The following KCNT2 variants were observed in gnomAD, a reference collection of about 807,000 sequenced individuals.
KCNT2 encodes potassium sodium-activated channel subfamily T member 2.
A neutral mutation model predicts 153.8 loss-of-function variants in KCNT2; 67 were observed. The observed-to-expected ratio is 0.44, with a 90% CI of 0.36 to 0.53. KCNT2 has a LOEUF of 0.53. KCNT2 is among the 20% of genes least tolerant of loss of function. The pLI, the probability that KCNT2 is intolerant of heterozygous loss-of-function variation, is 0.00. For missense variants in KCNT2, 975 were observed against 1,354.8 expected (o/e 0.72, Z 4.40); for synonymous variants, 500 against 458.8 (o/e 1.09, Z -1.15).
chr1:196,247,590 C>T (rs1036619192), intron 26 of KCNT2, among the ~76,000 whole-genome samples: 29 of 152,270 alleles, frequency 1.9e-4, no homozygotes, highest in African/African-American at 6.7e-4. Flanking sequence ...GGGAAGCAAA[C>T]ATATCCTTCT....
intron 8 of KCNT2, among the ~76,000 whole-genome samples, chr1:196,451,157 C>T (rs11810883): frequency 0.021 from 3,035 of 147,820 alleles, 90 homozygotes; most frequent in African/African-American, 0.07. Flanking sequence ...TTCAAAATTA[C>T]GCTTACTGAA....
intron 8 of KCNT2, among the ~76,000 whole-genome samples, chr1:196,440,542 T>G (rs763436620): frequency 6.6e-6 from 1 of 152,016 alleles, no homozygotes; most frequent in Non-Finnish European, 1.5e-5. Context: ...CTTGAGAATG[T>G]GAGCCTATAA....
At chr1:196,398,755 G>A (rs1671165355) in intron 12 of KCNT2, 84 bp from the exon 13 acceptor site, 1 of 689,070 alleles carries the variant, frequency 1.5e-6, no homozygotes, top group Non-Finnish European at 2.5e-6. Flanking sequence ...CAGTTTGCTT[G>A]GTCACATCCA....
chr1:196,355,040 C>CG (rs1667056874), intron 14 of KCNT2, among the ~76,000 whole-genome samples: 1 of 151,386 alleles, frequency 6.6e-6, no homozygotes, highest in Non-Finnish European at 1.5e-5. Flanking sequence ...ATTTACGGTA[C>CG]GGGGGTATGT....
In KCNT2 at chr1:196,285,737, T is replaced by A. The variant is rs753244425; in HGVS notation, c.2617A>T (p.Asn873Tyr). Residue 873 changes from asparagine (N) to tyrosine (Y), a missense_variant, in exon 23 of 28, where the codon AAC (asparagine) becomes TAC (tyrosine). Asn to Tyr is a moderately radical substitution (Grantham distance 143). Coordinates refer to ENST00000294725, the MANE Select transcript of KCNT2 (RefSeq NM_198503.5). ...LEKKERERGS[N>Y]LAFMFRLPFA... ...GGCAGTCGAAACATAAAGGCCAAGT[T>A]AGAGCCTCTCTCCCGTTCTTTCTGT... The A allele has an allele frequency of 1.2e-6, 2 of 1,612,050 alleles. No homozygotes were observed. The highest frequency in any genetic ancestry group is 1.7e-5 in the Admixed American group (1 of 59,960).
chr1:196,292,829 A>G (rs976714715), intron 22 of KCNT2, among the ~76,000 whole-genome samples: 6 of 151,350 alleles, frequency 4.0e-5, no homozygotes, highest in Non-Finnish European at 7.4e-5. Flanking sequence ...AAAAAAAAAA[A>G]AAAAAGGAAG....
intron 21 of KCNT2, among the ~76,000 whole-genome samples, chr1:196,314,928 A>G (rs1662560456): frequency 1.3e-5 from 2 of 151,786 alleles, no homozygotes; most frequent in African/African-American, 4.8e-5. Flanking sequence ...CTTTAATAAT[A>G]TTGTGATTAA....
At chr1:196,268,125 C>T (rs1657722912) in intron 25 of KCNT2, among the ~76,000 whole-genome samples, 1 of 152,070 alleles carries the variant, frequency 6.6e-6, no homozygotes, top group South Asian at 2.1e-4. Flanking sequence ...AAAACAGGTC[C>T]CACTTGCACA....
At chr1:196,324,416 T>C (rs892607211) in intron 19 of KCNT2, among the ~76,000 whole-genome samples, 4 of 152,048 alleles carry the variant, frequency 2.6e-5, no homozygotes, top group Non-Finnish European at 5.9e-5. Context: ...TTCACCTTCT[T>C]TGTGTCTCTT....
intron 25 of KCNT2, among the ~76,000 whole-genome samples, chr1:196,262,443 GAAGAA>G (rs1376746941): frequency 1.3e-5 from 2 of 151,884 alleles, no homozygotes; most frequent in East Asian, 3.8e-4. Flanking sequence ...TGTTGTTAAA[GAAGAA>G]AAGAAAATGA....
chr1:196,282,460 T>A (rs1659203256), intron 23 of KCNT2, 104 bp from the exon 24 acceptor site: 1 of 568,618 alleles, frequency 1.8e-6, no homozygotes, highest in Non-Finnish European at 3.1e-6. Flanking sequence ...TCTAAAAGAT[T>A]ATTTCTCATA....
intron 14 of KCNT2, among the ~76,000 whole-genome samples, chr1:196,363,306 T>C (rs949168145): frequency 1.3e-5 from 2 of 152,040 alleles, no homozygotes. Flanking sequence ...CCCATATAAT[T>C]CTGAGCAATT....
At chr1:196,281,878 T>G (rs948208136) in intron 24 of KCNT2, among the ~76,000 whole-genome samples, 2 of 151,394 alleles carry the variant, frequency 1.3e-5, no homozygotes, top group African/African-American at 4.9e-5. Flanking sequence ...GCCTCCCGAG[T>G]AGCTGGGACT....
chr1:196,228,658 C>T (rs546699018), intron 27 of KCNT2, among the ~76,000 whole-genome samples: 58 of 152,036 alleles, frequency 3.8e-4, no homozygotes, highest in Admixed American at 1.8e-3. Flanking sequence ...TCAGCACCTT[C>T]GTCTCATCAA....
At chr1:196,386,637 T>C (rs547095656) in intron 13 of KCNT2, among the ~76,000 whole-genome samples, 32 of 152,246 alleles carry the variant, frequency 2.1e-4, no homozygotes, top group Non-Finnish European at 2.4e-4. Flanking sequence ...ACAAATACCA[T>C]TTAACCTAGA....
At chr1:196,244,048 C>G (rs772921537) in intron 26 of KCNT2, among the ~76,000 whole-genome samples, 7 of 152,026 alleles carry the variant, frequency 4.6e-5, no homozygotes, top group Non-Finnish European at 7.4e-5. Flanking sequence ...GGTCCACATT[C>G]CAGGCTCTAG....
intron 1 of KCNT2, among the ~76,000 whole-genome samples, chr1:196,521,891 C>T (rs1024860770): frequency 1.6e-4 from 25 of 152,036 alleles, no homozygotes; most frequent in African/African-American, 4.8e-4. Flanking sequence ...CAACAAACCC[C>T]TATGACACAA....
At chr1:196,358,092 C>G (rs1459181689) in intron 14 of KCNT2, among the ~76,000 whole-genome samples, 1 of 151,492 alleles carries the variant, frequency 6.6e-6, no homozygotes, top group Non-Finnish European at 1.5e-5. Context: ...TTTTCTCTAA[C>G]CTCTCTTGGT....
chr1:196,521,436 C>A (rs138024115), intron 1 of KCNT2, among the ~76,000 whole-genome samples: 13 of 152,272 alleles, frequency 8.5e-5, no homozygotes, highest in African/African-American at 3.1e-4. Flanking sequence ...ACCCAACAAT[C>A]CCATTACTGG....
Sources: gnomAD v4.1 joint callset for allele counts (sites outside exome capture counted in the v4.1 genomes callset) on GRCh38, gnomAD v4.1.1 for gene constraint, MANE v1.5 for transcripts, NCBI Gene and HGNC (gene_info 2026-07-23, HGNC 2026-07-21) for gene names.